FHIT: variants seen among roughly 807,000 people sequenced by gnomAD.
The protein encoded by FHIT is bis(5'-adenosyl)-triphosphatase.
Under a neutral mutation model 17.9 loss-of-function variants are expected in FHIT, and 19 were observed. The observed-to-expected ratio is 1.06, with a 90% CI of 0.74 to 1.56. FHIT has a LOEUF of 1.56. Ranked by LOEUF, FHIT falls within the 40% of genes most tolerant of loss-of-function variation. The probability of loss-of-function intolerance (pLI) is 0.00; values close to 1 mark genes in which losing one functional copy is unlikely to be tolerated. For missense variants in FHIT, 248 were observed against 189.2 expected, an observed-to-expected ratio of 1.31 and a Z score of -1.82; for synonymous variants, 81 against 69.7, an observed-to-expected ratio of 1.16 and a Z score of -0.81.
At chr3:60,025,797 A>C (rs1262890866) in intron 5 of FHIT, among the ~76,000 whole-genome samples, 4 of 152,160 alleles carry the variant, frequency 2.6e-5, no homozygotes, top group Admixed American at 1.3e-4. Context: ...ATGTTTCCAA[A>C]ACAGGAAGCA....
At chr3:61,101,034 C>A (rs1050793488) in intron 2 of FHIT, among the ~76,000 whole-genome samples, 10 of 152,170 alleles carry the variant, frequency 6.6e-5, no homozygotes, top group African/African-American at 2.2e-4. Flanking sequence ...AAGGTAGTTT[C>A]TTTTGCTGTG....
At chr3:60,933,050 G>C (rs1297723165) in intron 3 of FHIT, among the ~76,000 whole-genome samples, 1 of 152,108 alleles carries the variant, frequency 6.6e-6, no homozygotes, top group Non-Finnish European at 1.5e-5. Flanking sequence ...AAGAGGACTT[G>C]ATTAATCAAT....
At chr3:60,867,284 T>C (rs782426147) in intron 3 of FHIT, among the ~76,000 whole-genome samples, 2 of 152,296 alleles carry the variant, frequency 1.3e-5, no homozygotes, top group Non-Finnish European at 1.5e-5. Context: ...GCAAAAAATA[T>C]AGCTTGTCTG....
intron 5 of FHIT, among the ~76,000 whole-genome samples, chr3:60,452,426 TG>T: frequency 6.6e-6 from 1 of 152,214 alleles, no homozygotes; most frequent in Admixed American, 6.5e-5. Context: ...GGAAAGTAAG[TG>T]GTAACATAGT....
chr3:59,848,588 ACTTTTT>A (rs1195334088), intron 8 of FHIT, among the ~76,000 whole-genome samples: 1 of 152,206 alleles, frequency 6.6e-6, no homozygotes, highest in African/African-American at 2.4e-5. Context: ...GACATTCAAT[ACTTTTT>A]CTTCTGAAAT....
At chr3:59,879,554 T>C (rs1210792046) in intron 8 of FHIT, among the ~76,000 whole-genome samples, 6 of 152,058 alleles carry the variant, frequency 3.9e-5, no homozygotes, top group African/African-American at 1.2e-4. Context: ...AGCAAAGATA[T>C]GAAATCTTAA....
rs916831274 is a variant in FHIT, at chr3:60,348,904, A to G, written c.103+187956T>C. On this transcript the variant is annotated intron_variant, in intron 5 of 9. Coordinates refer to ENST00000492590, the MANE Select transcript of FHIT (RefSeq NM_002012.4). ...AGCGGAGCTAAGTCATTCAGCCAAG[A>G]ACAGCCTAGATCATTGCCCAGCCAG... is the stretch of plus-strand genomic sequence containing the variant. Among the ~76,000 whole-genome samples, 3 of 152,244 alleles carry G rather than the reference A, an allele frequency of 2.0e-5. No individual in the cohort carries two copies. The East Asian group carries it at 5.8e-4, about 29-fold the overall frequency.
At chr3:60,650,982 C>T (rs187735847) in intron 4 of FHIT, among the ~76,000 whole-genome samples, 15 of 152,050 alleles carry the variant, frequency 9.9e-5, no homozygotes, top group East Asian at 5.8e-4. Flanking sequence ...CATATATATA[C>T]CATTTCCAAG....
At chr3:60,415,275 A>G (rs1323452713) in intron 5 of FHIT, among the ~76,000 whole-genome samples, 1 of 152,196 alleles carries the variant, frequency 6.6e-6, no homozygotes, top group Non-Finnish European at 1.5e-5. Context: ...TAAAAAAATA[A>G]TACTCAAGTG....
At chr3:59,821,931 G>A (rs1443228427) in intron 8 of FHIT, among the ~76,000 whole-genome samples, 1 of 152,032 alleles carries the variant, frequency 6.6e-6, no homozygotes, top group Non-Finnish European at 1.5e-5. Flanking sequence ...CCCAATTTGA[G>A]TCTTTTATCC....
At chr3:59,925,923 G>A (rs1705638510) in intron 7 of FHIT, among the ~76,000 whole-genome samples, 1 of 152,190 alleles carries the variant, frequency 6.6e-6, no homozygotes. Flanking sequence ...AAAACGCTAT[G>A]AATAGCAGAG....
intron 3 of FHIT, among the ~76,000 whole-genome samples, chr3:60,960,214 T>C (rs1288691162): frequency 2.0e-5 from 3 of 152,184 alleles, no homozygotes; most frequent in Non-Finnish European, 4.4e-5. Flanking sequence ...CATGAGGGTC[T>C]CCAACGTCAG....
chr3:60,924,689 C>T (rs1263342488), intron 3 of FHIT, among the ~76,000 whole-genome samples: 6 of 152,050 alleles, frequency 3.9e-5, no homozygotes, highest in Admixed American at 6.5e-5. Context: ...TCACAAGCAA[C>T]GGAACAAAGC....
chr3:60,818,499 A>T (rs569047038), intron 4 of FHIT, among the ~76,000 whole-genome samples: 2 of 152,334 alleles, frequency 1.3e-5, no homozygotes, highest in Non-Finnish European at 2.9e-5. Context: ...TGCTCCATCA[A>T]GAATATACAC....
intron 4 of FHIT, among the ~76,000 whole-genome samples, chr3:60,539,595 G>A (rs2036112006): frequency 1.3e-5 from 2 of 151,962 alleles, no homozygotes; most frequent in African/African-American, 4.8e-5. Flanking sequence ...ACATATACGT[G>A]GAATACTATG....
chr3:60,018,245 G>A (rs377440024), intron 5 of FHIT, among the ~76,000 whole-genome samples: 14 of 152,228 alleles, frequency 9.2e-5, no homozygotes, highest in African/African-American at 2.6e-4. Flanking sequence ...GCTCTTCTGG[G>A]AACTAATAGA....
intron 4 of FHIT, among the ~76,000 whole-genome samples, chr3:60,564,950 G>C (rs916827922): frequency 6.6e-6 from 1 of 152,030 alleles, no homozygotes; most frequent in East Asian, 1.9e-4. Context: ...ATTCTACAGA[G>C]AAACCTTTCA....
intron 5 of FHIT, among the ~76,000 whole-genome samples, chr3:60,414,166 T>C (rs923008673): frequency 2.6e-5 from 4 of 152,148 alleles, no homozygotes; most frequent in African/African-American, 9.7e-5. Context: ...AACTTAAACA[T>C]ATATTGGAAT....
chr3:61,029,371 T>A (rs1193104748), intron 3 of FHIT, among the ~76,000 whole-genome samples: 2 of 152,220 alleles, frequency 1.3e-5, no homozygotes, highest in Non-Finnish European at 2.9e-5. Flanking sequence ...CCCGAGGGAA[T>A]AACTAGGTGA....
Sources: gnomAD v4.1 joint callset for allele counts (sites outside exome capture counted in the v4.1 genomes callset) on GRCh38, gnomAD v4.1.1 for gene constraint, MANE v1.5 for transcripts, NCBI Gene and HGNC (gene_info 2026-07-23, HGNC 2026-07-21) for gene names.